PDGFD: variants seen among roughly 807,000 people sequenced by gnomAD.
PDGFD encodes the protein platelet derived growth factor D.
In PDGFD, 30 loss-of-function variants were observed where a neutral mutation model predicts 44.7. That is an observed-to-expected ratio of 0.67 (90% confidence interval 0.50 to 0.91). The LOEUF is 0.91. Ranked by LOEUF, PDGFD falls within the 40% of genes least tolerant of loss-of-function variation. PDGFD has a pLI of 0.00. For synonymous variants in PDGFD, 173 were observed against 168.4 expected, an observed-to-expected ratio of 1.03 and a Z score of -0.21; for missense variants, 445 against 457.8, an observed-to-expected ratio of 0.97 and a Z score of 0.25.
chr11:103,921,327 T>C (rs1858215058), intron 6 of PDGFD, among the ~76,000 whole-genome samples: 2 of 152,160 alleles, frequency 1.3e-5, no homozygotes. Context: ...GAAGGAAAAC[T>C]CCTTGCGCGA....
chr11:104,000,356 CTTT>C (rs778450174), intron 1 of PDGFD, 101 bp from the exon 2 acceptor site: 65 of 1,019,638 alleles, frequency 6.4e-5, no homozygotes, highest in Non-Finnish European at 7.8e-5. Flanking sequence ...CAAAACACTT[CTTT>C]ATTTTGCCTA....
At chr11:103,956,153 C>T (rs1763912402) in intron 3 of PDGFD, among the ~76,000 whole-genome samples, 1 of 149,746 alleles carries the variant, frequency 6.7e-6, no homozygotes, top group Non-Finnish European at 1.5e-5. Flanking sequence ...TGCTGGTGTG[C>T]TGCACCCATT....
At chr11:103,941,584 A>C (rs929430516) in intron 5 of PDGFD, among the ~76,000 whole-genome samples, 1 of 152,098 alleles carries the variant, frequency 6.6e-6, no homozygotes, top group Non-Finnish European at 1.5e-5. Flanking sequence ...GTGTTATTGC[A>C]CACACATTGC....
At chr11:104,075,919 T>C (rs1246745599) in intron 1 of PDGFD, among the ~76,000 whole-genome samples, 1 of 152,202 alleles carries the variant, frequency 6.6e-6, no homozygotes, top group Admixed American at 6.5e-5. Flanking sequence ...ACTCTATGTA[T>C]CTGATACGGT....
chr11:104,041,450 T>C (rs1292020256), intron 1 of PDGFD, among the ~76,000 whole-genome samples: 1 of 148,764 alleles, frequency 6.7e-6, no homozygotes, highest in Admixed American at 6.6e-5. Context: ...GTTACTAATA[T>C]ACAACTTATA....
At chr11:103,960,022 T>A (rs1400952906) in intron 3 of PDGFD, among the ~76,000 whole-genome samples, 1 of 152,206 alleles carries the variant, frequency 6.6e-6, no homozygotes, top group Non-Finnish European at 1.5e-5. Flanking sequence ...CTAGCAATAT[T>A]CATCAGCAGT....
chr11:104,136,106 T>G (rs1203023779), intron 1 of PDGFD, among the ~76,000 whole-genome samples: 2 of 152,144 alleles, frequency 1.3e-5, no homozygotes, highest in African/African-American at 4.8e-5. Flanking sequence ...GGGGCAACTC[T>G]GTAAACCCCA....
rs372102241 is a variant in PDGFD, at chr11:103,918,922, G to T, written c.987+7990C>A. 7.2e-5 allele frequency among the ~76,000 whole-genome samples: 11 copies of T among 152,276 alleles called. No individual in the cohort carries two copies. The South Asian group carries it at 8.3e-4, about 11-fold the overall frequency. On this transcript the variant is annotated intron_variant, in intron 6 of 6. Transcript: ENST00000393158. ...ATAGGTTATCTGGTCACCTTTAAAG[G>T]GAAGGAACACTGAATTAATTATAGG...
At chr11:104,075,273 A>G (rs559944843) in intron 1 of PDGFD, among the ~76,000 whole-genome samples, 1 of 152,222 alleles carries the variant, frequency 6.6e-6, no homozygotes, top group African/African-American at 2.4e-5. Context: ...GAATTTGCAA[A>G]CCTCACTGCC....
intron 3 of PDGFD, among the ~76,000 whole-genome samples, chr11:103,990,392 T>G (rs1231438939): frequency 6.6e-6 from 1 of 152,260 alleles, no homozygotes; most frequent in Non-Finnish European, 1.5e-5. Context: ...CTTGACTCCC[T>G]AGCTGGAATG....
chr11:104,011,360 T>C (rs1859784481), intron 1 of PDGFD, among the ~76,000 whole-genome samples: 1 of 152,118 alleles, frequency 6.6e-6, no homozygotes, highest in Admixed American at 6.5e-5. Flanking sequence ...ACATATCACA[T>C]AATGAACACA....
intron 1 of PDGFD, among the ~76,000 whole-genome samples, chr11:104,142,874 T>G (rs1207478973): frequency 6.6e-6 from 1 of 152,146 alleles, no homozygotes; most frequent in African/African-American, 2.4e-5. Context: ...CGCGAAGGTT[T>G]CAAAGCCGCC....
chr11:103,934,810 G>C (rs1158750777), intron 5 of PDGFD, among the ~76,000 whole-genome samples: 4 of 152,088 alleles, frequency 2.6e-5, no homozygotes, highest in Non-Finnish European at 4.4e-5. Flanking sequence ...GGGATTATGG[G>C]GATTATGGGG....
intron 3 of PDGFD, among the ~76,000 whole-genome samples, chr11:103,961,658 A>C (rs1040273746): frequency 1.3e-5 from 2 of 152,184 alleles, no homozygotes; most frequent in Non-Finnish European, 2.9e-5. Flanking sequence ...TCATCTATTC[A>C]GCGATTCATT....
intron 1 of PDGFD, among the ~76,000 whole-genome samples, chr11:104,083,075 A>C (rs1358743346): frequency 2.0e-5 from 3 of 152,230 alleles, no homozygotes; most frequent in African/African-American, 7.2e-5. Context: ...TTAGGTTGCT[A>C]TAAACCACAC....
At chr11:103,996,318 T>G (rs1338399816) in intron 2 of PDGFD, 73 bp from the exon 3 acceptor site, 22 of 1,261,508 alleles carry the variant, frequency 1.7e-5, no homozygotes, top group Non-Finnish European at 2.3e-5. Context: ...CACTGAGAAA[T>G]TAAAACTAGC....
chr11:104,157,215 A>G (rs1862319495), intron 1 of PDGFD, among the ~76,000 whole-genome samples: 1 of 152,174 alleles, frequency 6.6e-6, no homozygotes, highest in South Asian at 2.1e-4. Flanking sequence ...TGAGGGCACC[A>G]AGGATTTGGG....
chr11:103,913,124 T>C (rs1353880395), intron 6 of PDGFD, among the ~76,000 whole-genome samples: 1 of 151,824 alleles, frequency 6.6e-6, no homozygotes, highest in East Asian at 1.9e-4. Context: ...TATCCAGGAG[T>C]TGAACTGAGC....
chr11:103,978,535 A>C (rs1176459447), intron 3 of PDGFD, among the ~76,000 whole-genome samples: 1 of 150,776 alleles, frequency 6.6e-6, no homozygotes, highest in African/African-American at 2.4e-5. Flanking sequence ...ACTCCAGCCT[A>C]CTGAGTTTTT....
Sources: gnomAD v4.1 joint callset for allele counts (sites outside exome capture counted in the v4.1 genomes callset) on GRCh38, gnomAD v4.1.1 for gene constraint, MANE v1.5 for transcripts, NCBI Gene and HGNC (gene_info 2026-07-23, HGNC 2026-07-21) for gene names.